Variants in DZANK1 observed in about 807,000 individuals in gnomAD.
DZANK1 encodes double zinc ribbon and ankyrin repeat domains 1.
A neutral mutation model predicts 94.5 loss-of-function variants in DZANK1; 91 were observed. The observed-to-expected ratio is 0.96, with a 90% CI of 0.81 to 1.15. The LOEUF is 1.15. Ranked by LOEUF, DZANK1 falls within the 50% of genes most tolerant of loss-of-function variation. DZANK1 has a pLI of 0.00. For synonymous variants in DZANK1, 312 were observed against 325.3 expected, an observed-to-expected ratio of 0.96 and a Z score of 0.44; for missense variants, 903 against 916.4, an observed-to-expected ratio of 0.99 and a Z score of 0.19.
At chr20:18,448,828 C>T (rs570239594) in intron 7 of DZANK1, among the ~76,000 whole-genome samples, 156 bp downstream of exon 7, 1 of 148,646 alleles carries the variant, frequency 6.7e-6, no homozygotes, top group East Asian at 2.0e-4. Flanking sequence ...AACTGCACCA[C>T]CGCACTCCAG....
At chr20:18,405,306 A>G (rs1336812433) in intron 13 of DZANK1, among the ~76,000 whole-genome samples, 3 of 152,250 alleles carry the variant, frequency 2.0e-5, no homozygotes, top group Non-Finnish European at 2.9e-5. Context: ...AAGTACAATA[A>G]CTAAAATAGA....
intron 2 of DZANK1, 122 bp from the exon 3 acceptor site, chr20:18,460,428 A>C: frequency 9.8e-6 from 8 of 814,282 alleles, no homozygotes; most frequent in Non-Finnish European, 1.2e-5. Flanking sequence ...GATTTAAGTT[A>C]AGATTTAAAG....
chr20:18,413,605 C>T (rs1206666170), intron 12 of DZANK1, among the ~76,000 whole-genome samples: 1 of 152,004 alleles, frequency 6.6e-6, no homozygotes, highest in Non-Finnish European at 1.5e-5. Context: ...CATGGTGAAA[C>T]CCCATCTCTA....
chr20:18,394,552 T>C (rs2056220933), intron 15 of DZANK1: 5 of 684,560 alleles, frequency 7.3e-6, no homozygotes, highest in Non-Finnish European at 8.0e-6. Context: ...TACCCGCGGC[T>C]CAGTCTGGCC....
At chr20:18,430,790 G>T (rs1436705803) in intron 9 of DZANK1, among the ~76,000 whole-genome samples, 1 of 152,102 alleles carries the variant, frequency 6.6e-6, no homozygotes, top group African/African-American at 2.4e-5. Flanking sequence ...CTCCAGCCTA[G>T]GCGACAGAGT....
At chr20:18,455,198 G>A (rs1316861848) in intron 4 of DZANK1, 49 bp downstream of exon 4, 1 of 1,443,566 alleles carries the variant, frequency 6.9e-7, no homozygotes, top group Non-Finnish European at 9.5e-7. Flanking sequence ...GAGAAAGAAG[G>A]AACCAAAATA....
intron 13 of DZANK1, among the ~76,000 whole-genome samples, chr20:18,407,316 G>C (rs776912877): frequency 2.6e-5 from 4 of 152,194 alleles, no homozygotes. Flanking sequence ...ATCTCTTCCT[G>C]GTAGTCCAGA....
chr20:18,409,652 T>G (rs1287865787), intron 13 of DZANK1, among the ~76,000 whole-genome samples: 2 of 152,088 alleles, frequency 1.3e-5, no homozygotes, highest in Non-Finnish European at 2.9e-5. Context: ...AATGCATATT[T>G]CTTTTCCCTT....
rs151287217 is a variant in DZANK1, at chr20:18,429,493, G to A, written c.862-2334C>T. 8.7e-3 allele frequency among the ~76,000 whole-genome samples: 1,318 copies of A among 152,188 alleles called. 12 individuals are homozygous for A. Among genetic ancestry groups the A allele is most frequent in the Middle Eastern group, 0.01 (3 of 294 alleles). On this transcript the variant is annotated intron_variant, in intron 9 of 20. Coordinates refer to ENST00000262547, the Ensembl canonical transcript of DZANK1. ...TGAGTGGAAATTACAGAAGATTCTC[G>A]TATACCCTGTCCCACGCCACAGACA...
intron 13 of DZANK1, among the ~76,000 whole-genome samples, chr20:18,403,269 T>C (rs1440537202): frequency 3.9e-5 from 6 of 152,274 alleles, no homozygotes; most frequent in Middle Eastern, 3.4e-3. Context: ...TCCTGGATCA[T>C]TCAGCACAAG....
intron 9 of DZANK1, among the ~76,000 whole-genome samples, chr20:18,430,661 A>G (rs888729233): frequency 6.6e-6 from 1 of 152,120 alleles, no homozygotes; most frequent in Non-Finnish European, 1.5e-5. Flanking sequence ...CAAAAAATAG[A>G]AAAATTAGCC....
intron 10 of DZANK1, among the ~76,000 whole-genome samples, chr20:18,417,142 A>G (rs1478405995): frequency 6.6e-6 from 1 of 152,164 alleles, no homozygotes; most frequent in South Asian, 2.1e-4. Flanking sequence ...TGTTACTTCT[A>G]TGGACTACAG....
chr20:18,426,613 C>G (rs2058056650), intron 10 of DZANK1, among the ~76,000 whole-genome samples: 1 of 152,172 alleles, frequency 6.6e-6, no homozygotes, highest in African/African-American at 2.4e-5. Flanking sequence ...CGTATTTCTT[C>G]CCTTCAACAT....
At chr20:18,461,412 A>G (rs1213356695) in intron 2 of DZANK1, among the ~76,000 whole-genome samples, 1 of 152,132 alleles carries the variant, frequency 6.6e-6, no homozygotes, top group African/African-American at 2.4e-5. Context: ...ATATAGATGA[A>G]CAATAATTTA....
At chr20:18,464,065 T>C (rs1054061389) in intron 2 of DZANK1, among the ~76,000 whole-genome samples, 3 of 151,992 alleles carry the variant, frequency 2.0e-5, no homozygotes, top group African/African-American at 7.2e-5. Context: ...CTGCTTTATT[T>C]CTTTTTTCTT....
chr20:18,422,554 T>C lies in DZANK1; in HGVS notation c.954+4513A>G, dbSNP rs549704216. Among the ~76,000 whole-genome samples the C allele has an allele frequency of 2.3e-3, 347 of 152,350 alleles. 1 individual carries two copies. Among genetic ancestry groups the C allele is most frequent in the African/African-American group, 7.8e-3 (324 of 41,590 alleles). On this transcript the variant is annotated intron_variant, in intron 10 of 20. Transcript: ENST00000262547. ...AGTCAAAACTTTGTTTCATGCACTA[T>C]GTTATTTAAAATATTATATAAAATT...
chr20:18,407,215 G>A (rs2057008045), intron 13 of DZANK1, among the ~76,000 whole-genome samples: 1 of 152,212 alleles, frequency 6.6e-6, no homozygotes, highest in Admixed American at 6.5e-5. Context: ...GTGGCCACAG[G>A]AGTGCTTGCA....
intron 20 of DZANK1, 26 bp from the exon 21 acceptor site, chr20:18,384,590 G>A: frequency 3.2e-6 from 5 of 1,564,242 alleles, no homozygotes; most frequent in Non-Finnish European, 4.3e-6. Flanking sequence ...AGAAACGGAG[G>A]TGCACTGAAG....
intron 13 of DZANK1, among the ~76,000 whole-genome samples, chr20:18,407,757 TA>T (rs1555857960): frequency 6.6e-6 from 1 of 152,186 alleles, no homozygotes; most frequent in Non-Finnish European, 1.5e-5. Flanking sequence ...GTAGAAATTC[TA>T]GAGTTGGAAA....
Sources: gnomAD v4.1 joint callset for allele counts (sites outside exome capture counted in the v4.1 genomes callset) on GRCh38, gnomAD v4.1.1 for gene constraint, MANE v1.5 for transcripts, NCBI Gene and HGNC (gene_info 2026-07-23, HGNC 2026-07-21) for gene names.